Variants in TMEM138 observed in about 807,000 individuals in gnomAD.
The protein encoded by TMEM138 is transmembrane protein 138.
In TMEM138, 9 loss-of-function variants were observed where a neutral mutation model predicts 18.1. The observed-to-expected ratio is 0.50, with a 90% CI of 0.30 to 0.87. The LOEUF is 0.87. TMEM138 is among the 40% of genes least tolerant of loss of function. The pLI is 0.06. For synonymous variants in TMEM138, 79 were observed against 74.8 expected (o/e 1.06, Z -0.29); for missense variants, 189 against 190.6 (o/e 0.99, Z 0.05).
downstream of TMEM138, among the ~76,000 whole-genome samples, chr11:61,371,035 ATTTAT>A (rs1210067619): frequency 5.3e-5 from 8 of 151,936 alleles, no homozygotes; most frequent in Non-Finnish European, 1.0e-4. Flanking sequence ...AAATAAATGA[ATTTAT>A]TTTATTTTAT....
At chr11:61,365,931 C>T in intron 2 of TMEM138, 114 bp from the exon 3 acceptor site, 1 of 1,300,906 alleles carries the variant, frequency 7.7e-7, no homozygotes, top group Non-Finnish European at 1.0e-6. Context: ...TTTAAGATGT[C>T]AGATGCCTAT....
downstream of TMEM138, among the ~76,000 whole-genome samples, chr11:61,370,009 G>C (rs1858295103): frequency 6.6e-6 from 1 of 152,172 alleles, no homozygotes; most frequent in Non-Finnish European, 1.5e-5. Context: ...ATTGACATGA[G>C]GCTAAAAGAA....
chr11:61,364,121 G>T (rs1858048573), intron 1 of TMEM138, 131 bp from the exon 2 acceptor site: 2 of 297,924 alleles, frequency 6.7e-6, no homozygotes, highest in South Asian at 7.4e-5. Flanking sequence ...CTTCTTGGGG[G>T]TTTTTGTTGT....
intron 1 of TMEM138, chr11:61,362,677 C>G (rs1857967168): frequency 6.6e-6 from 1 of 152,182 alleles, no homozygotes; most frequent in Non-Finnish European, 1.5e-5. Flanking sequence ...TAGAGACAGG[C>G]ATGGGCGTTT....
intron 4 of TMEM138, chr11:61,368,273 G>T: frequency 1.8e-6 from 1 of 560,492 alleles, no homozygotes; most frequent in Non-Finnish European, 3.3e-6. Flanking sequence ...CGCCCAGGCT[G>T]GAGTGCTGTG....
At chr11:61,367,358 G>A (rs58232008) in intron 3 of TMEM138, 2 of 144,260 alleles carry the variant, frequency 1.4e-5, no homozygotes, top group African/African-American at 2.9e-5. Flanking sequence ...GGGTTCTCTA[G>A]TTGTCACTTC....
chr11:61,367,743 T>C (rs747051502), intron 3 of TMEM138, 180 bp from the exon 4 acceptor site: 22 of 627,754 alleles, frequency 3.5e-5, no homozygotes, highest in Admixed American at 1.0e-4. Flanking sequence ...TTAAAAGATA[T>C]TCCCTTTGCA....
intron 4 of TMEM138, 156 bp downstream of exon 4, chr11:61,368,154 T>C (rs1455927766): frequency 2.7e-6 from 2 of 743,184 alleles, no homozygotes; most frequent in Admixed American, 3.7e-5. Flanking sequence ...CTGCCCTTGC[T>C]AGAAGACTAT....
chr11:61,371,169 G>A (rs1355441885), downstream of TMEM138, among the ~76,000 whole-genome samples: 2 of 152,126 alleles, frequency 1.3e-5, no homozygotes, highest in Non-Finnish European at 2.9e-5. Flanking sequence ...CCAGTAGCTG[G>A]GATTATAGGC....
intron 1 of TMEM138, chr11:61,363,770 G>T (rs1248300350): frequency 6.6e-6 from 1 of 152,332 alleles, no homozygotes; most frequent in Non-Finnish European, 1.5e-5. Flanking sequence ...CGTGCAGCCT[G>T]CATCTGAATA....
In TMEM138 at chr11:61,369,220, T is replaced by G. The variant is rs1351293201; in HGVS notation, c.*511T>G. Reference sequence around the variant, plus strand: ...AATTCTTGTTCCATAAATGGGGGAGTCTGTCTGTCTAGCTAGATCTCTTCA... The same window carrying G: ...AATTCTTGTTCCATAAATGGGGGAGGCTGTCTGTCTAGCTAGATCTCTTCA... On this transcript the variant is annotated 3_prime_UTR_variant, in exon 5 of 5. Coordinates refer to ENST00000278826, the MANE Select transcript of TMEM138 (RefSeq NM_016464.5). The G allele has an allele frequency of 6.4e-6, 1 of 156,014 alleles. No homozygotes were observed. The highest frequency in any genetic ancestry group is 6.2e-5 in the Admixed American group (1 of 16,112). 9.7% of individuals were successfully genotyped at this position (156,014 alleles called of 1,614,324 possible).
rs552937540 is a variant in TMEM138, at chr11:61,363,399, G to A, written c.-139-853G>A. ...CTTCTCAAGATGGTTGTAGGATTAC[G>A]TAAGGTTAGAAATATGAAAAGAGCT... is the stretch of plus-strand genomic sequence containing the variant. On this transcript the variant is annotated intron_variant, in intron 1 of 4. Coordinates refer to ENST00000278826, the MANE Select transcript of TMEM138 (RefSeq NM_016464.5). The A allele has an allele frequency of 1.7e-4, 26 of 152,322 alleles. 1 individual carries two copies. The highest frequency in any genetic ancestry group is 6.3e-4 in the African/African-American group (26 of 41,558). The allele number at this position is 152,322 out of a possible 1,614,324, so 9.4% of individuals were successfully genotyped here. A position where few individuals can be genotyped will look rare whatever the true frequency, so the allele number is the denominator to read the frequency against.
downstream of TMEM138, among the ~76,000 whole-genome samples, chr11:61,372,953 CAG>C (rs1308432300): frequency 1.3e-5 from 2 of 151,016 alleles, no homozygotes; most frequent in Non-Finnish European, 1.5e-5. Flanking sequence ...AGGAAAAAAA[CAG>C]ATTAAAAAAA....
rs556173293 is a variant in TMEM138 at position 61,367,684 on chromosome 11, A to G, written c.301-239A>G. 7.1e-4 allele frequency: 330 copies of G among 466,454 alleles called. 1 individual carries two copies. Among genetic ancestry groups the G allele is most frequent in the Non-Finnish European group, 1.1e-3 (272 of 255,788 alleles). The allele number at this position is 466,454 out of a possible 1,614,324, so 28.9% of individuals were successfully genotyped here. ...ATATCATTTCTCCTTGGCAAAGGTT[A>G]TGGAATTAAAGAGAATAAATAACTT... On this transcript the variant is annotated intron_variant, in intron 3 of 4. Coordinates refer to ENST00000278826, the MANE Select transcript of TMEM138 (RefSeq NM_016464.5).
At chr11:61,366,327 C>T (rs1858149942) in intron 3 of TMEM138, 111 bp downstream of exon 3, 1 of 1,236,734 alleles carries the variant, frequency 8.1e-7, no homozygotes, top group East Asian at 2.7e-5. Flanking sequence ...AATTCTCCTG[C>T]TTCTGCCTCC....
In TMEM138 at chr11:61,368,239, G is replaced by A. The variant is rs1445671062; in HGVS notation, c.376+241G>A. 4.8e-6 allele frequency: 3 copies of A among 621,970 alleles called. No homozygotes were observed. The African/African-American group carries it at 5.5e-5, about 11-fold the overall frequency. The allele number at this position is 621,970 out of a possible 1,614,324, so 38.5% of individuals were successfully genotyped here. On this transcript the variant is annotated intron_variant, in intron 4 of 4. Transcript: ENST00000278826. ...TGTTTGTTTGTTTGTTTGTTTGTTT[G>A]TTTTTGAGACAGTCTTGCTCTGTCG...
chr11:61,365,364 A>C (rs575280520), intron 2 of TMEM138, among the ~76,000 whole-genome samples: 71 of 151,700 alleles, frequency 4.7e-4, no homozygotes, highest in African/African-American at 1.7e-3. Context: ...GGGTTCAAGC[A>C]ATTCTCCTGC....
chr11:61,365,912 CTG>C, intron 2 of TMEM138, 131 bp from the exon 3 acceptor site: 3 of 1,152,084 alleles, frequency 2.6e-6, no homozygotes, highest in South Asian at 3.7e-5. Flanking sequence ...CATGTTATCT[CTG>C]TGAGGGTTTA....
chr11:61,373,058 G>T (rs1293455475), downstream of TMEM138, among the ~76,000 whole-genome samples: 1 of 152,054 alleles, frequency 6.6e-6, no homozygotes, highest in Non-Finnish European at 1.5e-5. Flanking sequence ...TGATTCCTGG[G>T]TCTAAGAAGG....
Sources: allele counts gnomAD v4.1 joint callset (sites outside exome capture counted in the v4.1 genomes callset), GRCh38; gene constraint gnomAD v4.1.1; transcripts MANE v1.5; gene names NCBI Gene and HGNC (gene_info 2026-07-23, HGNC 2026-07-21).